Variants in MAP3K5 observed in about 807,000 individuals in gnomAD.
MAP3K5 encodes the protein mitogen-activated protein kinase kinase kinase 5.
Under a neutral mutation model 158.7 loss-of-function variants are expected in MAP3K5, and 56 were observed. The observed-to-expected ratio is 0.35, with a 90% CI of 0.28 to 0.44. The LOEUF (loss-of-function observed/expected upper bound fraction) is 0.44. MAP3K5 is among the 20% of genes least tolerant of loss of function. The probability of loss-of-function intolerance (pLI) is 1.00; values close to 1 mark genes in which losing one functional copy is unlikely to be tolerated. For synonymous variants in MAP3K5, 579 were observed against 601.7 expected (o/e 0.96, Z 0.55); for missense variants, 1,294 against 1,674.8 (o/e 0.77, Z 3.97).
At chr6:136,714,004 T>TCC (rs1781420019) in intron 2 of MAP3K5, among the ~76,000 whole-genome samples, 1 of 152,204 alleles carries the variant, frequency 6.6e-6, no homozygotes, top group African/African-American at 2.4e-5. Context: ...CTGAAAAGAA[T>TCC]CCAGCAAAAA....
At chr6:136,786,201 C>A (rs578105141) in intron 1 of MAP3K5, among the ~76,000 whole-genome samples, 2 of 152,022 alleles carry the variant, frequency 1.3e-5, no homozygotes, top group South Asian at 4.1e-4. Context: ...CAAGATGAAA[C>A]CCTGTCTCTA....
At chr6:136,610,751 T>A (rs1178301440) in intron 18 of MAP3K5, among the ~76,000 whole-genome samples, 1 of 149,650 alleles carries the variant, frequency 6.7e-6, no homozygotes, top group Non-Finnish European at 1.5e-5. Context: ...GCAAGTCATA[T>A]AAATACAGGA....
At chr6:136,712,222 C>A (rs968951281) in intron 2 of MAP3K5, among the ~76,000 whole-genome samples, 2 of 147,588 alleles carry the variant, frequency 1.4e-5, no homozygotes, top group African/African-American at 5.0e-5. Flanking sequence ...CACTCTATCA[C>A]CCAGGCTGGA....
In MAP3K5 at chr6:136,580,197, ATTATG is replaced by A. The variant is rs1466711642; in HGVS notation, c.3517+99_3517+103del. On this transcript the variant is annotated intron_variant, in intron 25 of 29. Transcript: ENST00000359015. The stretch of plus-strand genomic sequence containing the variant: ...TGAAAATATTTCTTTAAAAAAGGGT[ATTATG>A]GTTTTTAAAGTACTAAGGTGATATC... 1.6e-5 allele frequency: 12 copies of A among 752,528 alleles called. No individual in the cohort carries two copies. The East Asian group carries it at 3.1e-4, about 19-fold the overall frequency. The allele number at this position is 752,528 out of a possible 1,614,324, so 46.6% of individuals were successfully genotyped here. A position where few individuals can be genotyped will look rare whatever the true frequency, so the allele number is the denominator to read the frequency against.
At chr6:136,763,523 A>C (rs1047919475) in intron 1 of MAP3K5, among the ~76,000 whole-genome samples, 2 of 152,162 alleles carry the variant, frequency 1.3e-5, no homozygotes, top group Non-Finnish European at 2.9e-5. Flanking sequence ...AGAAACTGAA[A>C]ATTTACAGAG....
chr6:136,622,891 G>T lies in MAP3K5; in HGVS notation c.2107C>A (p.Gln703Lys). 6.2e-7 allele frequency: 1 copy of T among 1,613,868 alleles called. No individual in the cohort carries two copies. The highest frequency in any genetic ancestry group is 8.5e-7 in the Non-Finnish European group (1 of 1,179,838). Residue 703 changes from glutamine (Q) to lysine (K), a missense_variant, in exon 15 of 30, where the codon CAA becomes AAA. Transcript: ENST00000359015. ...IVYAGRDLSNQVRIAIKEIPE... is the reference protein window; with the variant it reads ...IVYAGRDLSNKVRIAIKEIPE... The stretch of plus-strand genomic sequence containing the variant: ...ATTTCCTTAATAGCAATTCTGACTT[G>T]GTTGCTCAAGTCCCGACCTGCGTAG...
intron 1 of MAP3K5, among the ~76,000 whole-genome samples, chr6:136,726,973 GT>G (rs1451871919): frequency 6.6e-6 from 1 of 151,598 alleles, no homozygotes; most frequent in Non-Finnish European, 1.5e-5. Context: ...TTTGTTTTTT[GT>G]TTGTTTTTGC....
At chr6:136,775,382 A>G (rs1236151800) in intron 1 of MAP3K5, among the ~76,000 whole-genome samples, 2 of 152,234 alleles carry the variant, frequency 1.3e-5, no homozygotes, top group Non-Finnish European at 2.9e-5. Flanking sequence ...TTAAGTCATT[A>G]GAAGCTTGTA....
intron 15 of MAP3K5, among the ~76,000 whole-genome samples, chr6:136,621,209 A>G (rs1776785362): frequency 6.6e-6 from 1 of 151,956 alleles, no homozygotes; most frequent in African/African-American, 2.4e-5. Flanking sequence ...AACTGTGCCC[A>G]GTCTACTAAT....
chr6:136,602,811 C>T (rs1179548596), intron 19 of MAP3K5, among the ~76,000 whole-genome samples: 1 of 152,142 alleles, frequency 6.6e-6, no homozygotes, highest in African/African-American at 2.4e-5. Context: ...CTGAATTGTT[C>T]GGATTAAAGC....
intron 17 of MAP3K5, 87 bp from the exon 18 acceptor site, chr6:136,611,474 A>T: frequency 1.4e-6 from 1 of 690,918 alleles, no homozygotes; most frequent in African/African-American, 1.8e-5. Context: ...TTAAAAAAAA[A>T]AAAGGTGTCC....
chr6:136,747,531 A>G (rs1582632871), intron 1 of MAP3K5, among the ~76,000 whole-genome samples: 1 of 152,270 alleles, frequency 6.6e-6, no homozygotes, highest in Non-Finnish European at 1.5e-5. Flanking sequence ...AATGTACAGC[A>G]AAGGCTGAGA....
chr6:136,668,197 T>C (rs1379694118), intron 8 of MAP3K5, among the ~76,000 whole-genome samples: 1 of 151,992 alleles, frequency 6.6e-6, no homozygotes. Context: ...CTGGGCAACA[T>C]AGTGTGGCCA....
intron 1 of MAP3K5, among the ~76,000 whole-genome samples, chr6:136,758,237 CA>C (rs1182014599): frequency 1.3e-5 from 2 of 152,144 alleles, no homozygotes; most frequent in Non-Finnish European, 2.9e-5. Context: ...CTTTGCCCTG[CA>C]AATTTGTTCT....
chr6:136,599,378 CCTGA>C (rs1775779401), intron 21 of MAP3K5, among the ~76,000 whole-genome samples: 1 of 152,102 alleles, frequency 6.6e-6, no homozygotes, highest in Non-Finnish European at 1.5e-5. Flanking sequence ...GCAGTGGGAA[CCTGA>C]CTGACTAGAG....
intron 2 of MAP3K5, among the ~76,000 whole-genome samples, chr6:136,708,236 G>C (rs1429569335): frequency 6.6e-6 from 1 of 152,030 alleles, no homozygotes; most frequent in Non-Finnish European, 1.5e-5. Context: ...CTAATTTGAT[G>C]ATGTTACTTA....
intron 7 of MAP3K5, among the ~76,000 whole-genome samples, chr6:136,677,220 C>T (rs1486772898): frequency 7.6e-5 from 11 of 145,364 alleles, no homozygotes; most frequent in African/African-American, 2.6e-4. Flanking sequence ...TCACTGCAAG[C>T]TCTGCCTCCC....
chr6:136,628,156 G>A (rs1777132534), intron 14 of MAP3K5, among the ~76,000 whole-genome samples: 1 of 151,512 alleles, frequency 6.6e-6, no homozygotes, highest in Non-Finnish European at 1.5e-5. Flanking sequence ...CTGTCGCCTA[G>A]GCCGGAGTGC....
intron 7 of MAP3K5, among the ~76,000 whole-genome samples, chr6:136,677,404 AG>A (rs1373771948): frequency 1.3e-5 from 2 of 152,078 alleles, no homozygotes; most frequent in Non-Finnish European, 1.5e-5. Context: ...CCCAAAGTGC[AG>A]GGATTACAGG....
Sources: allele counts gnomAD v4.1 joint callset (sites outside exome capture counted in the v4.1 genomes callset), GRCh38; gene constraint gnomAD v4.1.1; transcripts MANE v1.5; gene names NCBI Gene and HGNC (gene_info 2026-07-23, HGNC 2026-07-21).